TIMM23B: variants seen among roughly 807,000 people sequenced by gnomAD.
TIMM23B encodes mitochondrial import inner membrane translocase subunit Tim23B.
A neutral mutation model predicts 27.3 loss-of-function variants in TIMM23B; 27 were observed. The ratio of observed to expected loss-of-function variants is 0.99; its 90% CI spans 0.73 to 1.36. The LOEUF (loss-of-function observed/expected upper bound fraction) is 1.36. TIMM23B is among the 40% of genes most tolerant of loss of function. The pLI is 0.00. For synonymous variants in TIMM23B, 73 were observed against 92.4 expected (o/e 0.79, Z 1.21); for missense variants, 205 against 244.2 (o/e 0.84, Z 1.07).
At chr10:49,955,355 T>A (rs1839680657) in intron 5 of TIMM23B, among the ~76,000 whole-genome samples, 1 of 152,216 alleles carries the variant, frequency 6.6e-6, no homozygotes, top group African/African-American at 2.4e-5. Flanking sequence ...GAAATCCAGA[T>A]AATTTAGGTC....
chr10:49,949,590 A>G (rs1839458420), intron 2 of TIMM23B, among the ~76,000 whole-genome samples: 3 of 151,646 alleles, frequency 2.0e-5, no homozygotes, highest in African/African-American at 7.3e-5. Context: ...AAAATATTTC[A>G]TATCCCCCCA....
chr10:49,965,263 A>G (rs1840088291), intron 6 of TIMM23B, among the ~76,000 whole-genome samples: 1 of 151,588 alleles, frequency 6.6e-6, no homozygotes, highest in South Asian at 2.1e-4. Context: ...AATGAAATTA[A>G]TAATGAAATG....
chr10:49,953,996 C>A (rs1284704632), intron 4 of TIMM23B, among the ~76,000 whole-genome samples: 32 of 152,162 alleles, frequency 2.1e-4, no homozygotes, highest in South Asian at 1.0e-3. Context: ...TATTAAAATG[C>A]TTGTTAAAAA....
intron 6 of TIMM23B, among the ~76,000 whole-genome samples, chr10:49,968,733 G>A (rs1365332441): frequency 4.6e-5 from 7 of 152,080 alleles, no homozygotes; most frequent in Admixed American, 3.9e-4. Flanking sequence ...TACTAGGGAG[G>A]CTGAGACAGG....
At position 49,950,555 on chromosome 10, in the gene TIMM23B, T is replaced by G. The variant is rs1223115274; in HGVS notation, c.166-1571T>G. 3.3e-5 allele frequency among the ~76,000 whole-genome samples: 5 copies of G among 149,796 alleles called. No individual in the cohort carries two copies. The East Asian group carries it at 9.7e-4, about 29-fold the overall frequency. ...TTTTAAGTTTTCTTTTCTTTTTTTT[T>G]TTTTGGAGATGGAGTCTCGCTCTGT... is the stretch of plus-strand genomic sequence containing the variant. On this transcript the variant is annotated intron_variant, in intron 2 of 6. Coordinates refer to ENST00000651259, the MANE Select transcript of TIMM23B (RefSeq NM_001290117.2).
chr10:49,962,312 C>T lies in TIMM23B; in HGVS notation c.514+3832C>T, dbSNP rs1839947292. On this transcript the variant is annotated intron_variant, in intron 6 of 6. Transcript: ENST00000651259. Reference sequence around the variant, plus strand: ...CCACCTCCTGGGTTCAAGCGATTCTCCTGCCTCAGCTTCCCAAGTAGCTGG... The same window carrying T: ...CCACCTCCTGGGTTCAAGCGATTCTTCTGCCTCAGCTTCCCAAGTAGCTGG... Among the ~76,000 whole-genome samples the T allele has an allele frequency of 2.6e-5, 4 of 151,808 alleles. No homozygotes were observed. In the South Asian group the frequency reaches 8.3e-4, roughly 31 times the overall value.
intron 6 of TIMM23B, among the ~76,000 whole-genome samples, chr10:49,965,954 A>G (rs1223922051): frequency 6.7e-6 from 1 of 148,408 alleles, no homozygotes; most frequent in Non-Finnish European, 1.5e-5. Flanking sequence ...AAATGATGAA[A>G]TGAATAATGA....
intron 3 of TIMM23B, 42 bp downstream of exon 3, chr10:49,952,261 G>A (rs1839555777): frequency 6.5e-7 from 1 of 1,546,408 alleles, no homozygotes; most frequent in South Asian, 1.1e-5. Context: ...CTCAGTTCAA[G>A]TAGTTGAGGG....
chr10:49,964,528 A>G (rs1554855108), intron 6 of TIMM23B, among the ~76,000 whole-genome samples: 1 of 151,448 alleles, frequency 6.6e-6, no homozygotes. Flanking sequence ...CAGCCTGGGC[A>G]ATAGAGGGAG....
intron 4 of TIMM23B, among the ~76,000 whole-genome samples, chr10:49,954,630 G>C (rs1359628290): frequency 6.6e-6 from 1 of 151,586 alleles, no homozygotes; most frequent in African/African-American, 2.4e-5. Flanking sequence ...ACATGGATTA[G>C]TTTCTGTAAA....
intron 6 of TIMM23B, among the ~76,000 whole-genome samples, chr10:49,966,724 CAG>C (rs1194892439): frequency 2.0e-5 from 3 of 151,764 alleles, no homozygotes; most frequent in African/African-American, 7.3e-5. Context: ...ACTTGGGAGG[CAG>C]AGAGAGGAGA....
intron 6 of TIMM23B, among the ~76,000 whole-genome samples, chr10:49,972,196 A>T (rs2132074506): frequency 6.6e-6 from 1 of 152,348 alleles, no homozygotes; most frequent in Admixed American, 6.5e-5. Context: ...TCAGCTGTAG[A>T]CACTGACAGG....
At chr10:49,958,857 A>AT (rs1183119559) in intron 6 of TIMM23B, among the ~76,000 whole-genome samples, 1 of 152,128 alleles carries the variant, frequency 6.6e-6, no homozygotes, top group Non-Finnish European at 1.5e-5. Context: ...ATCATACAAT[A>AT]TTTGTCCTTT....
At chr10:49,947,183 G>T (rs1839379423) in intron 2 of TIMM23B, among the ~76,000 whole-genome samples, 1 of 152,158 alleles carries the variant, frequency 6.6e-6, no homozygotes. Flanking sequence ...AGAAATCATG[G>T]GCACAAGTAG....
chr10:49,949,998 T>C (rs1839474000), intron 2 of TIMM23B, among the ~76,000 whole-genome samples: 1 of 152,156 alleles, frequency 6.6e-6, no homozygotes, highest in Non-Finnish European at 1.5e-5. Context: ...TTTTATCTGA[T>C]ACAGTATTGT....
intron 4 of TIMM23B, among the ~76,000 whole-genome samples, 158 bp from the exon 5 acceptor site, chr10:49,954,844 A>G (rs1839661994): frequency 6.6e-6 from 1 of 151,484 alleles, no homozygotes; most frequent in Non-Finnish European, 1.5e-5. Context: ...TAGAGTAAAA[A>G]CCATCCTTAT....
chr10:49,948,574 A>C (rs1839424885), intron 2 of TIMM23B, among the ~76,000 whole-genome samples: 1 of 152,256 alleles, frequency 6.6e-6, no homozygotes, highest in Non-Finnish European at 1.5e-5. Flanking sequence ...AATATAAATG[A>C]ACCTTTAAAA....
chr10:49,971,613 C>G (rs1295926375), intron 6 of TIMM23B, among the ~76,000 whole-genome samples: 1 of 152,156 alleles, frequency 6.6e-6, no homozygotes, highest in Non-Finnish European at 1.5e-5. Flanking sequence ...ATATCCCTTA[C>G]TTTATCCTAG....
chr10:49,959,349 C>G (rs1839822876), intron 6 of TIMM23B, among the ~76,000 whole-genome samples: 3 of 152,186 alleles, frequency 2.0e-5, no homozygotes, highest in Admixed American at 2.0e-4. Flanking sequence ...CCAGGAATGA[C>G]TTCCCTGTAA....
Sources: gnomAD v4.1 joint callset for allele counts (sites outside exome capture counted in the v4.1 genomes callset) on GRCh38, gnomAD v4.1.1 for gene constraint, MANE v1.5 for transcripts, NCBI Gene and HGNC (gene_info 2026-07-23, HGNC 2026-07-21) for gene names.